TLE1: variants seen among roughly 807,000 people sequenced by gnomAD.
TLE1 encodes the protein transducin-like enhancer protein 1.
Under a neutral mutation model 89.8 loss-of-function variants are expected in TLE1, and 21 were observed. That is an observed-to-expected ratio of 0.23 (90% CI 0.17 to 0.34). TLE1 has a LOEUF of 0.34. Among genes scored for constraint, TLE1 ranks in the 10% least tolerant of loss-of-function variants. The pLI, the probability that TLE1 is intolerant of heterozygous loss-of-function variation, is 1.00. For synonymous variants in TLE1, 447 were observed against 407.6 expected (o/e 1.10, Z -1.16); for missense variants, 795 against 1,031.2 (o/e 0.77, Z 3.14).
chr9:81,662,569 A>C (rs1830952790), intron 4 of TLE1, among the ~76,000 whole-genome samples: 1 of 151,826 alleles, frequency 6.6e-6, no homozygotes, highest in Non-Finnish European at 1.5e-5. Flanking sequence ...ATGGTGATGC[A>C]TGCCTGTAAT....
chr9:81,633,802 T>C (rs1827016315), intron 7 of TLE1: 5 of 482,528 alleles, frequency 1.0e-5, no homozygotes, highest in Non-Finnish European at 1.8e-5. Context: ...AATTACCCAA[T>C]TAAGCAGTTA....
intron 9 of TLE1, among the ~76,000 whole-genome samples, chr9:81,617,749 G>C (rs1824733079): frequency 6.6e-6 from 1 of 151,952 alleles, no homozygotes; most frequent in South Asian, 2.1e-4. Flanking sequence ...ATGTGGGCTG[G>C]GCGCGGTGGC....
At chr9:81,642,194 C>T (rs1272837074) in intron 6 of TLE1, among the ~76,000 whole-genome samples, 1 of 152,128 alleles carries the variant, frequency 6.6e-6, no homozygotes, top group Non-Finnish European at 1.5e-5. Flanking sequence ...ATAGAGGTTT[C>T]TCAAAAAGTT....
intron 4 of TLE1, among the ~76,000 whole-genome samples, chr9:81,674,323 G>A (rs1564068830): frequency 6.6e-6 from 1 of 152,164 alleles, no homozygotes; most frequent in Non-Finnish European, 1.5e-5. Context: ...CTTATAAGAA[G>A]CTCTGACCAG....
At chr9:81,657,957 T>G (rs1286497590) in intron 4 of TLE1, among the ~76,000 whole-genome samples, 2 of 149,672 alleles carry the variant, frequency 1.3e-5, no homozygotes, top group Non-Finnish European at 3.0e-5. Flanking sequence ...TCACCTAGGC[T>G]GGAGTGCAGT....
At chr9:81,675,708 G>GTTTTTTTTTTTTT (rs61458315) in intron 4 of TLE1, among the ~76,000 whole-genome samples, 17 of 132,450 alleles carry the variant, frequency 1.3e-4, no homozygotes, top group African/African-American at 5.1e-4. Flanking sequence ...GTTTTTTTTT[G>GTTTTTTTTTTTTT]TTTTTTTTTT....
chr9:81,666,254 A>T (rs970431407), intron 4 of TLE1, among the ~76,000 whole-genome samples: 9 of 152,098 alleles, frequency 5.9e-5, no homozygotes, highest in African/African-American at 2.2e-4. Context: ...TGAATCACAG[A>T]TCATCACCGT....
At chr9:81,587,552 T>A in intron 17 of TLE1, 129 bp downstream of exon 17, 2 of 1,252,680 alleles carry the variant, frequency 1.6e-6, no homozygotes, top group East Asian at 5.4e-5. Context: ...AAATTAGTTA[T>A]CTCAAATTCA....
chr9:81,660,347 A>T (rs544935458), intron 4 of TLE1, among the ~76,000 whole-genome samples: 13 of 152,150 alleles, frequency 8.5e-5, no homozygotes, highest in African/African-American at 3.1e-4. Flanking sequence ...TTCACAAAAA[A>T]AAAAAAACAA....
chr9:81,602,819 CA>C (rs1159205120), intron 14 of TLE1, among the ~76,000 whole-genome samples: 54 of 151,484 alleles, frequency 3.6e-4, no homozygotes, highest in Admixed American at 3.0e-3. Flanking sequence ...AGAATTTTAA[CA>C]AAGAATAAGA....
chr9:81,673,112 A>C (rs62576202), intron 4 of TLE1, among the ~76,000 whole-genome samples: 32,489 of 151,824 alleles, frequency 0.21, 3,581 homozygotes, highest in Non-Finnish European at 0.23. Flanking sequence ...GACTCTACTA[A>C]AAATACAAAA....
chr9:81,593,217 G>C lies in TLE1; in HGVS notation c.1389C>G (p.Pro463=). 2 of 1,614,042 alleles carry C rather than the reference G, an allele frequency of 1.2e-6. No homozygotes were observed. Among genetic ancestry groups the C allele is most frequent in the Non-Finnish European group, 8.5e-7 (1 of 1,179,964 alleles). The change falls in exon 15 of 20, where the codon CCC becomes CCG. Residue 463 remains proline (P), a synonymous_variant. Transcript: ENST00000376499. ...GGATTCCGGGTCCGATGAGGGCGTC[G>C]GGGGGAAAAGGGACAGGCTGCATCT... ...DGQMQPVPFP[P]DALIGPGIPR... is the part of the protein sequence containing the mutation.
chr9:81,591,762 T>C (rs1028914190), intron 15 of TLE1, among the ~76,000 whole-genome samples: 3 of 152,318 alleles, frequency 2.0e-5, no homozygotes, highest in East Asian at 3.9e-4. Context: ...CTATAGAATA[T>C]TGGGCCATAT....
Position 81,613,359 on chromosome 9 carries a change from C to T in TLE1, c.1063+18G>A. On this transcript the variant is annotated intron_variant, in intron 12 of 19. Transcript: ENST00000376499. Reference sequence around the variant, plus strand: ...ATGGGAGAAACCAAACAAAGCACAACAAGAGGCGATGCTGTACCCGCTTGG... The same window carrying T: ...ATGGGAGAAACCAAACAAAGCACAATAAGAGGCGATGCTGTACCCGCTTGG... 1.9e-6 allele frequency: 3 copies of T among 1,610,758 alleles called. No individual in the cohort carries two copies. Among genetic ancestry groups the T allele is most frequent in the Middle Eastern group, 1.7e-4 (1 of 6,038 alleles).
Position 81,613,416 on chromosome 9 carries a change from C to T in TLE1, c.1024G>A (p.Gly342Ser), listed in dbSNP as rs376454144. 9.9e-6 allele frequency: 16 copies of T among 1,613,984 alleles called. No individual in the cohort carries two copies. Among genetic ancestry groups the T allele is most frequent in the East Asian group, 8.9e-5 (4 of 44,880 alleles). The change falls in exon 12 of 20, where the codon GGC becomes AGC. Residue 342 changes from glycine (G) to serine (S), a missense_variant. Gly to Ser is a moderately conservative substitution (Grantham distance 56). This residue lies in a region of TLE1 where 468 missense variants were observed against 509.1 expected (regional missense o/e 0.92). Coordinates refer to ENST00000376499, the MANE Select transcript of TLE1 (RefSeq NM_005077.5). ...AGGGGGTCTATGGCTGGAGGCTTGC[C>T]GAGACCTGGACGGAGGCCTGGAGTG... ...SATPGLRPGL[G>S]KPPAIDPLVN...
At chr9:81,615,863 ACT>A in intron 11 of TLE1, 117 bp downstream of exon 11, 1 of 1,295,694 alleles carries the variant, frequency 7.7e-7, no homozygotes, top group Non-Finnish European at 1.1e-6. Context: ...TCACTATTAA[ACT>A]CTTAAAAATA....
intron 6 of TLE1, among the ~76,000 whole-genome samples, chr9:81,649,821 T>A (rs932167960): frequency 2.6e-5 from 4 of 152,154 alleles, no homozygotes; most frequent in Non-Finnish European, 5.9e-5. Flanking sequence ...GTCCACTGAA[T>A]TGTCAACCCA....
chr9:81,679,109 CT>C (rs1833274533), intron 4 of TLE1, among the ~76,000 whole-genome samples: 2 of 152,104 alleles, frequency 1.3e-5, no homozygotes, highest in Non-Finnish European at 2.9e-5. Context: ...GATTGCGCTA[CT>C]ATACTCCAGT....
rs190282619 is a variant in TLE1, at chr9:81,621,735, A to G, written c.595-1178T>C. 2.6e-5 allele frequency among the ~76,000 whole-genome samples: 4 copies of G among 152,248 alleles called. No homozygotes were observed. The East Asian group carries it at 7.7e-4, about 29-fold the overall frequency. Reference sequence around the variant, plus strand: ...TAATCAGCCAGGTGGCCAGCCCTCAAAGCTCCCCTGAAAACCATGGACCCC... The same window carrying G: ...TAATCAGCCAGGTGGCCAGCCCTCAGAGCTCCCCTGAAAACCATGGACCCC... On this transcript the variant is annotated intron_variant, in intron 8 of 19. Coordinates refer to ENST00000376499, the MANE Select transcript of TLE1 (RefSeq NM_005077.5).
Sources: gnomAD v4.1 joint callset for allele counts (sites outside exome capture counted in the v4.1 genomes callset) on GRCh38, gnomAD v4.1.1 for gene constraint, gnomAD v4.1.1 regional missense constraint, MANE v1.5 for transcripts, NCBI Gene and HGNC (gene_info 2026-07-23, HGNC 2026-07-21) for gene names.